Variants in DPY19L4 observed in about 807,000 individuals in gnomAD.
The protein encoded by DPY19L4 is probable C-mannosyltransferase DPY19L4.
In DPY19L4, 97 loss-of-function variants were observed where a neutral mutation model predicts 102.8. The observed-to-expected ratio is 0.94, with a 90% CI of 0.80 to 1.12. The LOEUF (loss-of-function observed/expected upper bound fraction) is 1.12. Ranked by LOEUF, DPY19L4 falls within the 50% of genes most tolerant of loss-of-function variation. The pLI is 0.00. For synonymous variants in DPY19L4, 252 were observed against 283.1 expected, an observed-to-expected ratio of 0.89 and a Z score of 1.10; for missense variants, 815 against 850.4, an observed-to-expected ratio of 0.96 and a Z score of 0.52.
intron 10 of DPY19L4, 54 bp from the exon 11 acceptor site, chr8:94,766,558 T>C (rs939080931): frequency 3.9e-5 from 60 of 1,536,638 alleles, no homozygotes; most frequent in Non-Finnish European, 4.9e-5. Flanking sequence ...GGAAAGCATA[T>C]GTTTGTAAGC....
intron 12 of DPY19L4, among the ~76,000 whole-genome samples, chr8:94,768,935 C>T (rs991640240): frequency 2.7e-5 from 4 of 150,122 alleles, no homozygotes; most frequent in Admixed American, 2.7e-4. Flanking sequence ...ATCGCTTGAA[C>T]CCGGGAGGCA....
chr8:94,791,165 T>C lies in DPY19L4; in HGVS notation c.*1255T>C, dbSNP rs1404515971. The C allele has an allele frequency of 6.6e-6, 1 of 152,174 alleles. No individual in the cohort carries two copies. The highest frequency in any genetic ancestry group is 1.5e-5 in the Non-Finnish European group (1 of 67,976). 9.4% of individuals were successfully genotyped at this position (152,174 alleles called of 1,614,324 possible). A position where few individuals can be genotyped will look rare whatever the true frequency, so the allele number is the denominator to read the frequency against. ...AACAGATTTTCATAATTCTCACTTG[T>C]TAAAGTGCTGCAAAAATTGCATTTT... On this transcript the variant is annotated 3_prime_UTR_variant, in exon 19 of 19. Coordinates refer to ENST00000414645, the MANE Select transcript of DPY19L4 (RefSeq NM_181787.3).
intron 11 of DPY19L4, 21 bp from the exon 12 acceptor site, chr8:94,768,371 TATC>T (rs774411454): frequency 6.4e-7 from 1 of 1,564,492 alleles, no homozygotes; most frequent in Admixed American, 2.0e-5. Flanking sequence ...ATGAATTTAA[TATC>T]ATACTTTTTG....
At position 94,766,695 on chromosome 8, in the gene DPY19L4, A is replaced by G; in HGVS notation, c.1175+10A>G. ...GACTAAATATGACCAAGTAAGTTTT[A>G]GATTATGTAAGTTTACCTAAATCGA... On this transcript the variant is annotated intron_variant, in intron 11 of 18. Transcript: ENST00000414645. The G allele has an allele frequency of 6.2e-7, 1 of 1,603,916 alleles. No homozygotes were observed. The highest frequency in any genetic ancestry group is 8.5e-7 in the Non-Finnish European group (1 of 1,172,368).
At chr8:94,745,776 C>T (rs74963598) in intron 6 of DPY19L4, among the ~76,000 whole-genome samples, 4,500 of 151,742 alleles carry the variant, frequency 0.03, 99 homozygotes, top group Non-Finnish European at 0.04. Flanking sequence ...TTTTTTGAGA[C>T]GGAGTTTCAC....
At chr8:94,767,691 A>G (rs1364036624) in intron 11 of DPY19L4, among the ~76,000 whole-genome samples, 1 of 152,210 alleles carries the variant, frequency 6.6e-6, no homozygotes, top group East Asian at 1.9e-4. Flanking sequence ...ATTTATCTTA[A>G]TAAGTAGGTA....
chr8:94,721,748 TTAAA>T (rs1337580886), intron 1 of DPY19L4, among the ~76,000 whole-genome samples: 2 of 152,264 alleles, frequency 1.3e-5, no homozygotes, highest in African/African-American at 4.8e-5. Context: ...ATGGTTGTAC[TTAAA>T]TAGATCTGTG....
intron 6 of DPY19L4, among the ~76,000 whole-genome samples, chr8:94,752,679 T>G (rs376760253): frequency 3.3e-4 from 48 of 147,070 alleles, no homozygotes; most frequent in African/African-American, 5.8e-4. Context: ...ATTTTTTTTT[T>G]TGTGTGATGG....
chr8:94,777,846 G>C, intron 14 of DPY19L4, 60 bp downstream of exon 14: 2 of 1,535,348 alleles, frequency 1.3e-6, no homozygotes, highest in Non-Finnish European at 1.8e-6. Context: ...GCTAATAAAT[G>C]GAAACTACAT....
intron 15 of DPY19L4, 50 bp downstream of exon 15, chr8:94,780,465 G>T: frequency 1.7e-6 from 2 of 1,197,740 alleles, no homozygotes; most frequent in East Asian, 2.8e-5. Flanking sequence ...ATCTACAAAG[G>T]TAGTGATAAA....
intron 13 of DPY19L4, 73 bp downstream of exon 13, chr8:94,770,644 T>C (rs1812887863): frequency 6.3e-7 from 1 of 1,583,810 alleles, no homozygotes; most frequent in South Asian, 1.1e-5. Flanking sequence ...ACACCTGTAA[T>C]CCCAGCACTT....
At position 94,789,825 on chromosome 8, in the gene DPY19L4, C is replaced by G; in HGVS notation, c.2087C>G (p.Pro696Arg). ...FCHEVKINYS[P>R]YVNYFTRVYW... ...CATGAGGTCAAAATTAACTATTCTC[C>G]ATATGTGAATTATTTCACTAGAGTA... The change falls in exon 19 of 19, where the codon CCA becomes CGA. Residue 696 changes from proline to arginine, a missense_variant. Transcript: ENST00000414645. 1.2e-6 allele frequency: 2 copies of G among 1,611,354 alleles called. No individual in the cohort carries two copies. The highest frequency in any genetic ancestry group is 1.7e-6 in the Non-Finnish European group (2 of 1,178,794).
At chr8:94,781,463 C>T (rs1016877014) in intron 16 of DPY19L4, among the ~76,000 whole-genome samples, 1 of 152,082 alleles carries the variant, frequency 6.6e-6, no homozygotes, top group Non-Finnish European at 1.5e-5. Flanking sequence ...CAAGAGGATG[C>T]TTATTTTGCC....
intron 13 of DPY19L4, among the ~76,000 whole-genome samples, chr8:94,775,588 A>G (rs929783611): frequency 1.3e-5 from 2 of 152,138 alleles, no homozygotes; most frequent in African/African-American, 2.4e-5. Context: ...TGGCCTCCCA[A>G]AGTGTTGGGA....
At position 94,741,669 on chromosome 8, in the gene DPY19L4, GA is replaced by G. The variant is rs1811450149; in HGVS notation, c.611+1881del. 2.6e-5 allele frequency among the ~76,000 whole-genome samples: 4 copies of G among 152,252 alleles called. No homozygotes were observed. In the East Asian group the frequency reaches 7.7e-4, roughly 29 times the overall value. ...CATTTTAATTGATTTCATTGATTCA[GA>G]ACATTTTGATCAATGTTCTTCTGTT... is the stretch of plus-strand genomic sequence containing the variant. On this transcript the variant is annotated intron_variant, in intron 6 of 18. Coordinates refer to ENST00000414645, the MANE Select transcript of DPY19L4 (RefSeq NM_181787.3).
At chr8:94,744,316 A>G (rs1563583960) in intron 6 of DPY19L4, 3 of 455,994 alleles carry the variant, frequency 6.6e-6, no homozygotes, top group Non-Finnish European at 8.8e-6. Context: ...GGAGGCCTTA[A>G]TTTCTTACAT....
chr8:94,777,000 T>C (rs1813215495), intron 13 of DPY19L4, among the ~76,000 whole-genome samples: 1 of 152,020 alleles, frequency 6.6e-6, no homozygotes, highest in Admixed American at 6.6e-5. Flanking sequence ...TCTATCTTTA[T>C]ACTCTTATGC....
intron 12 of DPY19L4, among the ~76,000 whole-genome samples, chr8:94,768,825 C>G (rs1812792823): frequency 6.6e-6 from 1 of 151,762 alleles, no homozygotes. Flanking sequence ...AACCCCATCT[C>G]TACTAAAAGT....
In DPY19L4 at chr8:94,739,411, A is replaced by G; in HGVS notation, c.344-2A>G. 6.4e-7 allele frequency: 1 copy of G among 1,567,968 alleles called. No individual in the cohort carries two copies. Among genetic ancestry groups the G allele is most frequent in the South Asian group, 1.2e-5 (1 of 82,906 alleles). On this transcript the variant is annotated splice_acceptor_variant, in intron 4 of 18. Transcript: ENST00000414645. LOFTEE classifies it high-confidence loss of function. Reference sequence around the variant, plus strand: ...TCTGGAGAAAAATCTTTCTGTCTTTAGGTGTTTACGAACTGACACACAATA... The same window carrying G: ...TCTGGAGAAAAATCTTTCTGTCTTTGGGTGTTTACGAACTGACACACAATA...
Sources: allele counts gnomAD v4.1 joint callset (sites outside exome capture counted in the v4.1 genomes callset), GRCh38; gene constraint gnomAD v4.1.1; transcripts MANE v1.5; gene names NCBI Gene and HGNC (gene_info 2026-07-23, HGNC 2026-07-21).